GFOD2: variants seen among roughly 807,000 people sequenced by gnomAD.
GFOD2 encodes the protein Gfo/Idh/MocA-like oxidoreductase domain containing 2.
Under a neutral mutation model 24.6 loss-of-function variants are expected in GFOD2, and 9 were observed. The ratio of observed to expected loss-of-function variants is 0.37; its 90% CI spans 0.22 to 0.64. The LOEUF (loss-of-function observed/expected upper bound fraction) is 0.64, where lower values mean the gene tolerates loss of function less well. GFOD2 is among the 30% of genes least tolerant of loss of function. The pLI, the probability that GFOD2 is intolerant of heterozygous loss-of-function variation, is 0.65. For synonymous variants in GFOD2, 211 were observed against 224.8 expected, an observed-to-expected ratio of 0.94 and a Z score of 0.55; for missense variants, 476 against 532.5, an observed-to-expected ratio of 0.89 and a Z score of 1.04.
intron 1 of GFOD2, among the ~76,000 whole-genome samples, chr16:67,697,771 T>A (rs2053369049): frequency 6.6e-6 from 1 of 152,184 alleles, no homozygotes; most frequent in African/African-American, 2.4e-5. Flanking sequence ...TTGCCTCTGA[T>A]CCACTGTTCA....
chr16:67,683,927 T>C (rs2053246724), intron 2 of GFOD2: 1 of 1,078,834 alleles, frequency 9.3e-7, no homozygotes, highest in Non-Finnish European at 1.1e-6. Flanking sequence ...ATTGTGACTA[T>C]GTCTTCTGTC....
At chr16:67,716,420 T>C (rs925447021) in intron 1 of GFOD2, among the ~76,000 whole-genome samples, 8 of 152,242 alleles carry the variant, frequency 5.3e-5, no homozygotes, top group African/African-American at 1.9e-4. Context: ...TAAGTCTACC[T>C]TTCTCTGAAA....
intron 2 of GFOD2, chr16:67,681,580 T>C: frequency 1.9e-6 from 1 of 540,050 alleles, no homozygotes; most frequent in Non-Finnish European, 2.4e-6. Flanking sequence ...AGCTAATTTT[T>C]TGTATTTTTG....
chr16:67,712,764 G>GC (rs2053484621), intron 1 of GFOD2, among the ~76,000 whole-genome samples: 1 of 114,226 alleles, frequency 8.8e-6, no homozygotes, highest in Admixed American at 8.2e-5. Flanking sequence ...GATGTGAGGA[G>GC]CCCCTCTGCC....
chr16:67,697,969 T>G (rs2053370383), intron 1 of GFOD2, among the ~76,000 whole-genome samples: 1 of 152,154 alleles, frequency 6.6e-6, no homozygotes, highest in South Asian at 2.1e-4. Context: ...GTGCTCAGTA[T>G]TCTTGGTCTG....
intron 2 of GFOD2, chr16:67,683,683 C>T (rs1376170164): frequency 8.1e-7 from 1 of 1,231,202 alleles, no homozygotes; most frequent in Non-Finnish European, 1.0e-6. Context: ...TTATCCTTCC[C>T]TACCCACTGA....
chr16:67,699,252 GA>G (rs1440832748), intron 1 of GFOD2, among the ~76,000 whole-genome samples: 1 of 152,060 alleles, frequency 6.6e-6, no homozygotes, highest in African/African-American at 2.4e-5. Flanking sequence ...TGAGGCAGCA[GA>G]ATCGCTGGAA....
intron 1 of GFOD2, among the ~76,000 whole-genome samples, chr16:67,698,483 T>C (rs1242526891): frequency 6.6e-6 from 1 of 152,136 alleles, no homozygotes; most frequent in African/African-American, 2.4e-5. Context: ...ATTTTTTTTC[T>C]TTTTCTTTTT....
chr16:67,674,887 C>T lies in GFOD2; in HGVS notation c.*268G>A. The T allele has an allele frequency of 2.2e-6, 1 of 460,240 alleles. No homozygotes were observed. Among genetic ancestry groups the T allele is most frequent in the South Asian group, 3.5e-5 (1 of 28,604 alleles). The allele number at this position is 460,240 out of a possible 1,614,324, so 28.5% of individuals were successfully genotyped here. A position where few individuals can be genotyped will look rare whatever the true frequency, so the allele number is the denominator to read the frequency against. On this transcript the variant is annotated 3_prime_UTR_variant, in exon 3 of 3. Coordinates refer to ENST00000268797, the MANE Select transcript of GFOD2 (RefSeq NM_030819.4). Reference sequence around the variant, plus strand: ...TCCCCAGGGTGAGCCTTTCCTGGTCCGACTCACTGGCATCACCATGAGGAG... The same window carrying T: ...TCCCCAGGGTGAGCCTTTCCTGGTCTGACTCACTGGCATCACCATGAGGAG...
intron 1 of GFOD2, among the ~76,000 whole-genome samples, chr16:67,702,912 CA>C: frequency 6.6e-6 from 1 of 152,038 alleles, no homozygotes; most frequent in Non-Finnish European, 1.5e-5. Context: ...GCCAGGATTA[CA>C]GTAAAAAAAG....
chr16:67,698,994 A>T (rs2053379025), intron 1 of GFOD2, among the ~76,000 whole-genome samples: 1 of 152,194 alleles, frequency 6.6e-6, no homozygotes. Flanking sequence ...ACTATAGACC[A>T]ATACGTCTCA....
intron 1 of GFOD2, among the ~76,000 whole-genome samples, chr16:67,710,566 G>C (rs949757261): frequency 7.3e-5 from 11 of 151,180 alleles, no homozygotes; most frequent in African/African-American, 2.7e-4. Flanking sequence ...GTTTCACCGT[G>C]TTAGCCAGGA....
At chr16:67,708,301 A>C (rs1290867978) in intron 1 of GFOD2, among the ~76,000 whole-genome samples, 1 of 152,242 alleles carries the variant, frequency 6.6e-6, no homozygotes, top group Non-Finnish European at 1.5e-5. Flanking sequence ...AAAACAAAAA[A>C]ACCTGTAAGC....
chr16:67,703,265 T>C (rs1286542135), intron 1 of GFOD2, among the ~76,000 whole-genome samples: 1 of 152,020 alleles, frequency 6.6e-6, no homozygotes, highest in Non-Finnish European at 1.5e-5. Context: ...TAGCTGGGCA[T>C]GGTGGCGCAT....
intron 2 of GFOD2, among the ~76,000 whole-genome samples, chr16:67,678,347 A>G (rs773930902): frequency 1.3e-5 from 2 of 152,036 alleles, no homozygotes; most frequent in African/African-American, 2.4e-5. Context: ...GTGGTGGCAC[A>G]TGCCTGTAAT....
intron 1 of GFOD2, among the ~76,000 whole-genome samples, chr16:67,689,449 T>C (rs898854284): frequency 9.2e-5 from 14 of 151,872 alleles, no homozygotes; most frequent in Middle Eastern, 3.4e-3. Flanking sequence ...GGTGGGTGGA[T>C]CACCTGAGGT....
intron 1 of GFOD2, among the ~76,000 whole-genome samples, chr16:67,688,214 G>A (rs1158195410): frequency 1.3e-5 from 2 of 151,842 alleles, no homozygotes; most frequent in African/African-American, 4.8e-5. Context: ...TTTAAAAAAA[G>A]CACACAAAAG....
chr16:67,712,380 T>C (rs2053480958), intron 1 of GFOD2, among the ~76,000 whole-genome samples: 1 of 127,758 alleles, frequency 7.8e-6, no homozygotes, highest in Non-Finnish European at 1.6e-5. Flanking sequence ...CACTGCAACC[T>C]CCCTGCCTGA....
At chr16:67,676,191 T>C in intron 2 of GFOD2, 138 bp from the exon 3 acceptor site, 1 of 804,834 alleles carries the variant, frequency 1.2e-6, no homozygotes. Flanking sequence ...AGAGGTGGGG[T>C]CTTGCTATGC....
Sources: gnomAD v4.1 joint callset for allele counts (sites outside exome capture counted in the v4.1 genomes callset) on GRCh38, gnomAD v4.1.1 for gene constraint, MANE v1.5 for transcripts, NCBI Gene and HGNC (gene_info 2026-07-23, HGNC 2026-07-21) for gene names.